DBH: variants seen among roughly 807,000 people sequenced by gnomAD.
DBH encodes the protein dopamine beta-hydroxylase, also known as dopamine beta-hydroxylase (dopamine beta-monooxygenase).
Under a neutral mutation model 64.0 loss-of-function variants are expected in DBH, and 49 were observed. The ratio of observed to expected loss-of-function variants is 0.77; its 90% CI spans 0.61 to 0.97. The LOEUF (loss-of-function observed/expected upper bound fraction) is 0.97. Among genes scored for constraint, DBH ranks in the 50% least tolerant of loss-of-function variants. The pLI is 0.00. For synonymous variants in DBH, 343 were observed against 347.1 expected (o/e 0.99, Z 0.13); for missense variants, 828 against 826.6 (o/e 1.00, Z -0.02).
In DBH at chr9:133,652,965, C is replaced by T. The variant is rs13306303; in HGVS notation, c.1400C>T (p.Thr467Met). 42 of 1,613,446 alleles carry T rather than the reference C, an allele frequency of 2.6e-5. No homozygotes were observed. In the East Asian group the frequency reaches 6.2e-4, roughly 24 times the overall value. Reference protein sequence around the residue: ...HPGDVLITSCTYNTEDRELAT... With the variant: ...HPGDVLITSCMYNTEDRELAT... ...GGAGATGTGCTCATCACCTCCTGCA[C>T]GTACAACACAGAAGACCGGGAGCTG... The change falls in exon 9 of 12, where the codon ACG becomes ATG. Residue 467 changes from threonine (T) to methionine (M), a missense_variant. Transcript: ENST00000393056.
At chr9:133,652,863 G>T in intron 8 of DBH, 77 bp from the exon 9 acceptor site, 2 of 1,001,204 alleles carry the variant, frequency 2.0e-6, no homozygotes, top group Non-Finnish European at 3.2e-6. Flanking sequence ...CAGTGGCGTG[G>T]TCCTATGGGG....
At chr9:133,648,801 T>C (rs558700330) in intron 6 of DBH, among the ~76,000 whole-genome samples, 10 of 152,372 alleles carry the variant, frequency 6.6e-5, no homozygotes, top group Admixed American at 1.3e-4. Context: ...GGTCCAAGCC[T>C]GTGCTGAACT....
chr9:133,657,525 A>G lies in DBH; in HGVS notation c.1722+296A>G, dbSNP rs183297819. Among the ~76,000 whole-genome samples, 1,021 of 151,582 alleles carry G rather than the reference A, an allele frequency of 6.7e-3. 18 individuals are homozygous for G. The highest frequency in any genetic ancestry group is 0.022 in the African/African-American group (913 of 41,232). On this transcript the variant is annotated intron_variant, in intron 11 of 11. Coordinates refer to ENST00000393056, the MANE Select transcript of DBH (RefSeq NM_000787.4). The stretch of plus-strand genomic sequence containing the variant: ...GAGAGAGAGAGAGAGAGAGGGAGAG[A>G]GAGAGAACCAATAACGAGGCAAGGA...
chr9:133,657,336 C>A, intron 11 of DBH, 107 bp downstream of exon 11: 1 of 1,395,468 alleles, frequency 7.2e-7, no homozygotes, highest in Non-Finnish European at 1.0e-6. Flanking sequence ...AAAGCACTCG[C>A]ACAAGACAAT....
rs550120044 is a variant in DBH, at chr9:133,658,417, C to A, written c.1824C>A (p.Thr608=). The A allele has an allele frequency of 6.2e-7, 1 of 1,613,120 alleles. No homozygotes were observed. Among genetic ancestry groups the A allele is most frequent in the Non-Finnish European group, 8.5e-7 (1 of 1,179,440 alleles). Residue 608 remains threonine, a synonymous_variant, in exon 12 of 12, where the codon ACC becomes ACA. Coordinates refer to ENST00000393056, the MANE Select transcript of DBH (RefSeq NM_000787.4). ...AGGGCCGAAGCCCTGCTGGCCCCACCGTTGTCAGCATTGGTGGGGGCAAAG... is the reference window on the plus strand; with the variant it reads ...AGGGCCGAAGCCCTGCTGGCCCCACAGTTGTCAGCATTGGTGGGGGCAAAG... ...TSQGRSPAGP[T]VVSIGGGKG is the part of the protein sequence containing the mutation.
chr9:133,641,344 C>T (rs1382996298), intron 2 of DBH, among the ~76,000 whole-genome samples: 3 of 152,142 alleles, frequency 2.0e-5, no homozygotes, highest in African/African-American at 7.2e-5. Context: ...ACCCTGCTTC[C>T]CAGTGGACGA....
chr9:133,649,042 G>C (rs1201120499), intron 6 of DBH, among the ~76,000 whole-genome samples: 3 of 152,176 alleles, frequency 2.0e-5, no homozygotes, highest in Non-Finnish European at 4.4e-5. Context: ...CGGTTTTACT[G>C]ACCCACTGGA....
At position 133,657,160 on chromosome 9, in the gene DBH, A is replaced by G; in HGVS notation, c.1653A>G (p.Val551=). ...SVPWNSFNRD[V]LKALYSFAPI... Reference sequence around the variant, plus strand: ...CCTGGAACTCCTTCAACCGCGACGTACTGAAGGCCCTGTACAGCTTCGCGC... The same window carrying G: ...CCTGGAACTCCTTCAACCGCGACGTGCTGAAGGCCCTGTACAGCTTCGCGC... Residue 551 remains valine, a synonymous_variant, in exon 11 of 12, where the codon GTA becomes GTG. Transcript: ENST00000393056. 1.2e-6 allele frequency: 2 copies of G among 1,614,118 alleles called. No homozygotes were observed. The highest frequency in any genetic ancestry group is 1.7e-6 in the Non-Finnish European group (2 of 1,180,014).
Position 133,643,376 on chromosome 9 carries a change from G to A in DBH, c.745-37G>A, listed in dbSNP as rs1213360485. On this transcript the variant is annotated intron_variant, in intron 3 of 11. Coordinates refer to ENST00000393056, the MANE Select transcript of DBH (RefSeq NM_000787.4). This position sits in a 1 kb window ranked among gnomAD's most constrained non-coding sequence, Gnocchi z 5.3. ...GGCTGCTGGGGAGGGGAGGGTGGGC[G>A]GCCGGTTCCCGGGCTCAGAGGGCTG... The A allele has an allele frequency of 8.1e-6, 13 of 1,611,684 alleles. No individual in the cohort carries two copies. Among genetic ancestry groups the A allele is most frequent in the South Asian group, 2.2e-5 (2 of 90,952 alleles).
At chr9:133,655,611 TC>T (rs1198904961) in intron 9 of DBH, 2 of 152,326 alleles carry the variant, frequency 1.3e-5, no homozygotes, top group Non-Finnish European at 2.9e-5. Flanking sequence ...CTTTGCCCAG[TC>T]CCTTTGTTCT....
chr9:133,649,885 C>A (rs1196905573), intron 6 of DBH, among the ~76,000 whole-genome samples: 2 of 152,246 alleles, frequency 1.3e-5, no homozygotes, highest in Non-Finnish European at 2.9e-5. Context: ...CTCCCCTTGC[C>A]AGAGTCCTCC....
chr9:133,653,075 G>T lies in DBH; in HGVS notation c.1434+76G>T, dbSNP rs1407982113. ...TGAGCCATCTGAGGAAGGATGACAG[G>T]TCTTGACTCCTCACTTAGGGCATGG... On this transcript the variant is annotated intron_variant, in intron 9 of 11. Transcript: ENST00000393056. 5 of 1,153,656 alleles carry T rather than the reference G, an allele frequency of 4.3e-6. No homozygotes were observed. The East Asian group carries it at 1.2e-4, about 27-fold the overall frequency. The allele number at this position is 1,153,656 out of a possible 1,614,324, so 71.5% of individuals were successfully genotyped here. A position where few individuals can be genotyped will look rare whatever the true frequency, so the allele number is the denominator to read the frequency against.
At chr9:133,642,128 C>T in intron 2 of DBH, 79 bp from the exon 3 acceptor site, 2 of 1,578,880 alleles carry the variant, frequency 1.3e-6, no homozygotes, top group Non-Finnish European at 1.7e-6. Flanking sequence ...TGTGGGTGGG[C>T]AGGGATGTGG....
rs770904040 is a variant in DBH, at chr9:133,642,164, G to A, written c.487-43G>A. 6.2e-6 allele frequency: 10 copies of A among 1,608,852 alleles called. No individual in the cohort carries two copies. In the South Asian group the frequency reaches 1.1e-4, roughly 18 times the overall value. ...CATCCTCTCAGGAGCCCAACTCTGGGGGCTCTGAGAGGGCGACCAGCTGAA... is the reference window on the plus strand; with the variant it reads ...CATCCTCTCAGGAGCCCAACTCTGGAGGCTCTGAGAGGGCGACCAGCTGAA... On this transcript the variant is annotated intron_variant, in intron 2 of 11. Coordinates refer to ENST00000393056, the MANE Select transcript of DBH (RefSeq NM_000787.4).
Position 133,657,121 on chromosome 9 carries a change from G to A in DBH, c.1614G>A (p.Gln538=), listed in dbSNP as rs752263226. ...CTCPQASVSQ[Q]FTSVPWNSFN... ...GCCCTCAGGCGTCCGTGTCTCAGCA[G>A]TTCACCTCTGTTCCCTGGAACTCCT... Residue 538 remains glutamine (Q), a synonymous_variant, in exon 11 of 12, where the codon CAG becomes CAA. Coordinates refer to ENST00000393056, the MANE Select transcript of DBH (RefSeq NM_000787.4). The A allele has an allele frequency of 6.2e-7, 1 of 1,614,046 alleles. No homozygotes were observed. Among genetic ancestry groups the A allele is most frequent in the Non-Finnish European group, 8.5e-7 (1 of 1,180,008 alleles).
chr9:133,656,709 CCT>C, intron 10 of DBH, 59 bp downstream of exon 10: 1 of 1,599,750 alleles, frequency 6.3e-7, no homozygotes. Flanking sequence ...GAACCTCGGG[CCT>C]GTTAGGCGGC....
At chr9:133,639,327 C>T (rs116876381) in intron 1 of DBH, among the ~76,000 whole-genome samples, 1 of 152,196 alleles carries the variant, frequency 6.6e-6, no homozygotes, top group East Asian at 1.9e-4. Context: ...CACCTGCTAT[C>T]AATCACCATC....
chr9:133,657,435 A>AGAGAGAG (rs1564215796), intron 11 of DBH: 38 of 383,634 alleles, frequency 9.9e-5, no homozygotes, highest in South Asian at 3.0e-4. Flanking sequence ...GAGAGAGAGG[A>AGAGAGAG]GAGAGAGGAG....
chr9:133,654,239 G>A (rs1832286456), intron 9 of DBH, among the ~76,000 whole-genome samples: 1 of 152,120 alleles, frequency 6.6e-6, no homozygotes, highest in African/African-American at 2.4e-5. Flanking sequence ...GAATAGCTGG[G>A]ACTACAGGCA....
Sources: gnomAD v4.1 joint callset for allele counts (sites outside exome capture counted in the v4.1 genomes callset) on GRCh38, gnomAD v4.1.1 for gene constraint, Gnocchi (gnomAD v3.1) non-coding constraint, MANE v1.5 for transcripts, NCBI Gene and HGNC (gene_info 2026-07-23, HGNC 2026-07-21) for gene names.